Variants in TRPC5 observed in about 807,000 individuals in gnomAD.
The protein encoded by TRPC5 is transient receptor potential cation channel subfamily C member 5, also known as short transient receptor potential channel 5.
Under a neutral mutation model 56.5 loss-of-function variants are expected in TRPC5, and 9 were observed. The observed-to-expected ratio is 0.16, with a 90% CI of 0.10 to 0.28. The LOEUF is 0.28. Among genes scored for constraint, TRPC5 ranks in the 10% least tolerant of loss-of-function variants. The pLI is 1.00. For missense variants in TRPC5, 469 were observed against 748.9 expected, an observed-to-expected ratio of 0.63 and a Z score of 4.36; for synonymous variants, 282 against 278.5, an observed-to-expected ratio of 1.01 and a Z score of -0.13.
intron 3 of TRPC5, among the ~76,000 whole-genome samples, chrX:111,883,776 A>C (rs1004407004): frequency 8.9e-5 from 10 of 112,775 alleles, no homozygotes; most frequent in Admixed American, 8.4e-4. Flanking sequence ...GAGCCAGGTT[A>C]AGCCCTAGCC....
chrX:111,933,278 T>C (rs190628689), intron 2 of TRPC5, among the ~76,000 whole-genome samples: 119 of 111,620 alleles, frequency 1.1e-3, no homozygotes, highest in African/African-American at 3.7e-3. Context: ...GAATTGAGCT[T>C]GCAATAAGAG....
intron 1 of TRPC5, among the ~76,000 whole-genome samples, chrX:112,020,689 A>C (rs1308418433): frequency 9.0e-6 from 1 of 111,727 alleles, no homozygotes; most frequent in Non-Finnish European, 1.9e-5. Flanking sequence ...GTCAATGATC[A>C]TATCTGACTC....
chrX:112,028,473 T>C (rs1489492363), intron 1 of TRPC5, among the ~76,000 whole-genome samples: 5 of 111,316 alleles, frequency 4.5e-5, no homozygotes, highest in Admixed American at 3.8e-4. Context: ...CCCTGCCCTG[T>C]GTCCATGTGT....
chrX:111,899,620 G>T (rs756675755), intron 3 of TRPC5, among the ~76,000 whole-genome samples: 1 of 111,068 alleles, frequency 9.0e-6, no homozygotes, highest in East Asian at 2.8e-4. Context: ...TTGTGTGAGT[G>T]TGTTCCTGTC....
intron 1 of TRPC5, among the ~76,000 whole-genome samples, chrX:111,985,055 C>T (rs1210550094): frequency 8.9e-6 from 1 of 112,169 alleles, no homozygotes; most frequent in African/African-American, 3.2e-5. Flanking sequence ...ATCACCATCA[C>T]CATTTTTCAA....
chrX:112,053,633 T>C (rs746656215), intron 1 of TRPC5, among the ~76,000 whole-genome samples: 4 of 111,449 alleles, frequency 3.6e-5, no homozygotes, highest in Non-Finnish European at 5.7e-5. Flanking sequence ...GGTGGTGTAA[T>C]AGATGGCCTG....
At chrX:111,891,545 A>AT (rs201806682) in intron 3 of TRPC5, among the ~76,000 whole-genome samples, 1,398 of 110,453 alleles carry the variant, frequency 0.013, 25 homozygotes, top group African/African-American at 0.044. Flanking sequence ...TGTTTATTTT[A>AT]TTTTTTTATT....
At chrX:112,070,755 C>T (rs1057174449) in intron 1 of TRPC5, among the ~76,000 whole-genome samples, 2 of 107,207 alleles carry the variant, frequency 1.9e-5, no homozygotes, top group African/African-American at 3.6e-5. Context: ...AACTGCCCCC[C>T]CCCAAAGTTA....
intron 3 of TRPC5, among the ~76,000 whole-genome samples, chrX:111,907,513 TACTA>T (rs1925669867): frequency 9.1e-6 from 1 of 109,785 alleles, no homozygotes; most frequent in Admixed American, 9.8e-5. Context: ...TAGTTCCAGC[TACTA>T]AGGAGGCTGA....
At chrX:111,940,963 C>T (rs1230891986) in intron 2 of TRPC5, among the ~76,000 whole-genome samples, 1 of 111,687 alleles carries the variant, frequency 9.0e-6, no homozygotes, top group African/African-American at 3.3e-5. Flanking sequence ...CCCCGCTTCA[C>T]CTTTTGACAT....
intron 3 of TRPC5, among the ~76,000 whole-genome samples, chrX:111,856,073 G>C (rs1923218563): frequency 9.0e-6 from 1 of 111,469 alleles, no homozygotes; most frequent in Non-Finnish European, 1.9e-5. Context: ...CCAGAGCAGA[G>C]AGGATCGCAT....
rs184310981 is a variant in TRPC5 at position 111,826,017 on chromosome X, A to C, written c.1896+8904T>G. 8.0e-5 allele frequency among the ~76,000 whole-genome samples: 9 copies of C among 112,291 alleles called. No individual in the cohort carries two copies. The East Asian group carries it at 2.5e-3, about 32-fold the overall frequency. Reference sequence around the variant, plus strand: ...AAGAAACAGGCAGGGAATAGACCTGAGAGTAAGCAGCAAATGAAAAGCCTA... The same window carrying C: ...AAGAAACAGGCAGGGAATAGACCTGCGAGTAAGCAGCAAATGAAAAGCCTA... On this transcript the variant is annotated intron_variant, in intron 7 of 10. Coordinates refer to ENST00000262839, the MANE Select transcript of TRPC5 (RefSeq NM_012471.3).
rs764822586 is a variant in TRPC5 at position 111,775,081 on chromosome X, ATTTG to A, written c.*1228_*1231del. ...AGGTACTCTTAAGCTGTGGAAAAGA[ATTTG>A]TTTGGATGTATAAATGTAGCTTTCT... On this transcript the variant is annotated 3_prime_UTR_variant, in exon 11 of 11. Transcript: ENST00000262839. 3 of 111,774 alleles carry A rather than the reference ATTTG, an allele frequency of 2.7e-5. No individual in the cohort carries two copies. Among genetic ancestry groups the A allele is most frequent in the Admixed American group, 9.5e-5 (1 of 10,504 alleles). 9.2% of individuals were successfully genotyped at this position (111,774 alleles called of 1,213,427 possible).
At chrX:111,818,153 C>CTT (rs1206156699) in intron 7 of TRPC5, among the ~76,000 whole-genome samples, 1 of 111,702 alleles carries the variant, frequency 9.0e-6, no homozygotes, top group African/African-American at 3.3e-5. Flanking sequence ...AGCCTAAAGG[C>CTT]CTGGATAAAA....
intron 2 of TRPC5, among the ~76,000 whole-genome samples, chrX:111,935,612 G>A (rs1389517156): frequency 4.5e-5 from 5 of 111,724 alleles, no homozygotes; most frequent in African/African-American, 1.3e-4. Context: ...GGTCTGAGAT[G>A]TAAGCCTTTA....
chrX:111,818,823 C>T (rs1427865753), intron 7 of TRPC5, among the ~76,000 whole-genome samples: 4 of 109,991 alleles, frequency 3.6e-5, no homozygotes, highest in African/African-American at 6.6e-5. Flanking sequence ...AGGCTGGTCT[C>T]GAACTCCTGA....
At chrX:111,969,383 A>G (rs1927716696) in intron 1 of TRPC5, among the ~76,000 whole-genome samples, 1 of 112,092 alleles carries the variant, frequency 8.9e-6, no homozygotes, top group Non-Finnish European at 1.9e-5. Context: ...TGAACCCTCA[A>G]TACCTCCGAG....
intron 7 of TRPC5, among the ~76,000 whole-genome samples, chrX:111,785,674 T>C (rs1426619230): frequency 1.8e-5 from 2 of 111,461 alleles, no homozygotes; most frequent in Non-Finnish European, 3.8e-5. Context: ...TGAAAAAAGA[T>C]TAGACGAATG....
At chrX:112,057,115 T>G (rs1367877116) in intron 1 of TRPC5, among the ~76,000 whole-genome samples, 2 of 111,693 alleles carry the variant, frequency 1.8e-5, no homozygotes, top group African/African-American at 3.3e-5. Context: ...GCCTAAATGC[T>G]CAGAAGAGTT....
Sources: gnomAD v4.1 joint callset for allele counts (sites outside exome capture counted in the v4.1 genomes callset) on GRCh38, gnomAD v4.1.1 for gene constraint, MANE v1.5 for transcripts, NCBI Gene and HGNC (gene_info 2026-07-23, HGNC 2026-07-21) for gene names.